RARRES1: variants seen among roughly 807,000 people sequenced by gnomAD.
RARRES1 encodes retinoic acid receptor responder 1, also known as retinoic acid receptor responder protein 1.
In RARRES1, 34 loss-of-function variants were observed where a neutral mutation model predicts 30.6. The ratio of observed to expected loss-of-function variants is 1.11; its 90% confidence interval spans 0.84 to 1.48. The LOEUF (loss-of-function observed/expected upper bound fraction) is 1.48. Among genes scored for constraint, RARRES1 ranks in the 40% most tolerant of loss-of-function variants. RARRES1 has a pLI of 0.00. For synonymous variants in RARRES1, 153 were observed against 155.5 expected, an observed-to-expected ratio of 0.98 and a Z score of 0.12; for missense variants, 373 against 386.5, an observed-to-expected ratio of 0.97 and a Z score of 0.29.
intron 4 of RARRES1, among the ~76,000 whole-genome samples, chr3:158,700,809 T>A (rs1435668238): frequency 6.6e-6 from 1 of 152,232 alleles, no homozygotes; most frequent in Non-Finnish European, 1.5e-5. Flanking sequence ...TCCTGGTAAC[T>A]CAGCACTTAA....
intron 4 of RARRES1, among the ~76,000 whole-genome samples, chr3:158,702,257 C>T (rs1184746898): frequency 6.6e-6 from 1 of 152,180 alleles, no homozygotes; most frequent in Non-Finnish European, 1.5e-5. Context: ...CCAGTATGGT[C>T]TCCATCTCCT....
At position 158,716,018 on chromosome 3, in the gene RARRES1, C is replaced by T. The variant is rs1727311696; in HGVS notation, c.277-2159G>A. Among the ~76,000 whole-genome samples, 2 of 152,230 alleles carry T rather than the reference C, an allele frequency of 1.3e-5. 1 individual carries two copies. The highest frequency in any genetic ancestry group is 1.3e-4 in the Admixed American group (2 of 15,292). On this transcript the variant is annotated intron_variant, in intron 1 of 5. Coordinates refer to ENST00000237696, the MANE Select transcript of RARRES1 (RefSeq NM_206963.2). The stretch of plus-strand genomic sequence containing the variant: ...CTTGAATGGGTCGCTGCACCCCGCA[C>T]CTGCTATGTGCACCGCAGCACCTGG...
chr3:158,715,067 C>T (rs1422360907), intron 1 of RARRES1, among the ~76,000 whole-genome samples: 1 of 152,206 alleles, frequency 6.6e-6, no homozygotes, highest in Non-Finnish European at 1.5e-5. Flanking sequence ...GAGCACTGCA[C>T]ACAGAGCAGT....
Position 158,697,130 on chromosome 3 carries a change from A to T in RARRES1, c.*548T>A, listed in dbSNP as rs1192514615. On this transcript the variant is annotated 3_prime_UTR_variant, in exon 6 of 6. Transcript: ENST00000237696. ...TCATTATTTAGAAATGTAAACATTT[A>T]TTTAAAAGTAGGTAGCAAGTTAAAA... The T allele has an allele frequency of 3.3e-5, 5 of 152,374 alleles. No individual in the cohort carries two copies. In the South Asian group the frequency reaches 1.0e-3, roughly 32 times the overall value. 9.4% of individuals were successfully genotyped at this position (152,374 alleles called of 1,614,324 possible).
intron 1 of RARRES1, among the ~76,000 whole-genome samples, chr3:158,725,172 A>C (rs945254420): frequency 1.3e-5 from 2 of 152,168 alleles, no homozygotes; most frequent in African/African-American, 4.8e-5. Flanking sequence ...CATCCTGAAC[A>C]ACCATAGCAA....
chr3:158,704,963 C>A (rs780939985), intron 3 of RARRES1, 36 bp from the exon 4 acceptor site: 2 of 1,583,560 alleles, frequency 1.3e-6, no homozygotes, highest in East Asian at 4.5e-5. Flanking sequence ...TGTATTAATG[C>A]ATTTTTGAGA....
chr3:158,725,377 G>T (rs1028335112), intron 1 of RARRES1, among the ~76,000 whole-genome samples: 2 of 152,204 alleles, frequency 1.3e-5, no homozygotes, highest in South Asian at 4.1e-4. Flanking sequence ...GGGCGAGTGT[G>T]TGTGTATGTA....
At position 158,713,846 on chromosome 3, in the gene RARRES1, T is replaced by A; in HGVS notation, c.290A>T (p.Glu97Val). ...GAAGACCACGTGAACTTTACATCCC[T>A]CTTTTGGATTAATCTGGAACACAGA... ...QEGRAWINPK[E>V]GCKVHVVFST... Residue 97 changes from glutamate (E) to valine (V), a missense_variant, in exon 2 of 6, where the codon GAG becomes GTG. Physicochemically the swap from Glu to Val is moderately radical, Grantham distance 121 (BLOSUM62 -2). Transcript: ENST00000237696. 1.9e-6 allele frequency: 3 copies of A among 1,613,944 alleles called. No individual in the cohort carries two copies. Among genetic ancestry groups the A allele is most frequent in the Admixed American group, 1.7e-5 (1 of 60,030 alleles).
At chr3:158,728,529 T>G (rs77631765) in intron 1 of RARRES1, among the ~76,000 whole-genome samples, 1 of 147,638 alleles carries the variant, frequency 6.8e-6, no homozygotes, top group Non-Finnish European at 1.5e-5. Context: ...TTTTTTTTTT[T>G]TTTTTGGTTT....
At chr3:158,718,734 G>A (rs944168889) in intron 1 of RARRES1, among the ~76,000 whole-genome samples, 4 of 152,186 alleles carry the variant, frequency 2.6e-5, no homozygotes, top group Non-Finnish European at 5.9e-5. Flanking sequence ...GGGAGGTGGG[G>A]CTTTAGAGGC....
At chr3:158,701,326 T>C (rs552714207) in intron 4 of RARRES1, among the ~76,000 whole-genome samples, 19 of 152,116 alleles carry the variant, frequency 1.2e-4, no homozygotes, top group Non-Finnish European at 2.6e-4. Flanking sequence ...GCCAGTAAGA[T>C]GTGTCTTACT....
chr3:158,698,677 C>CTT (rs11448918), intron 4 of RARRES1, among the ~76,000 whole-genome samples: 22,309 of 147,424 alleles, frequency 0.15, 1,799 homozygotes, highest in African/African-American at 0.21. Context: ...CTGACATTTC[C>CTT]TTTTTTTTTT....
At chr3:158,728,416 T>C (rs770161791) in intron 1 of RARRES1, among the ~76,000 whole-genome samples, 5 of 151,990 alleles carry the variant, frequency 3.3e-5, no homozygotes, top group African/African-American at 7.3e-5. Flanking sequence ...GGATGGATGA[T>C]AGACATTGTG....
At position 158,697,203 on chromosome 3, in the gene RARRES1, A is replaced by G. The variant is rs966431379; in HGVS notation, c.*475T>C. On this transcript the variant is annotated 3_prime_UTR_variant, in exon 6 of 6. Coordinates refer to ENST00000237696, the MANE Select transcript of RARRES1 (RefSeq NM_206963.2). ...AAAACATAATCAAGTTCTTTTTAAA[A>G]CAGTTAATTTTTTTCCTATAATTTA... The G allele has an allele frequency of 6.6e-6, 1 of 152,316 alleles. No individual in the cohort carries two copies. The highest frequency in any genetic ancestry group is 6.5e-5 in the Admixed American group (1 of 15,286). The allele number at this position is 152,316 out of a possible 1,614,324, so 9.4% of individuals were successfully genotyped here.
chr3:158,732,162 T>C lies in RARRES1; in HGVS notation c.254A>G (p.Glu85Gly), dbSNP rs1727919053. 2.1e-6 allele frequency: 3 copies of C among 1,405,650 alleles called. No individual in the cohort carries two copies. In the East Asian group the frequency reaches 9.1e-5, roughly 43 times the overall value. 87.1% of individuals were successfully genotyped at this position (1,405,650 alleles called of 1,614,324 possible). ...GSPSALRVLAEVQEGRAWINP... is the reference protein window; with the variant it reads ...GSPSALRVLAGVQEGRAWINP... Reference sequence around the variant, plus strand: ...CACCCACGCGCGGCCCTCCTGCACCTCGGCCAGCACTCGTAGCGCGCTGGG... The same window carrying C: ...CACCCACGCGCGGCCCTCCTGCACCCCGGCCAGCACTCGTAGCGCGCTGGG... Residue 85 changes from glutamate (E) to glycine (G), a missense_variant, in exon 1 of 6, where the codon GAG becomes GGG. Transcript: ENST00000237696.
intron 3 of RARRES1, among the ~76,000 whole-genome samples, chr3:158,708,562 A>G (rs1355582831): frequency 1.3e-5 from 2 of 152,256 alleles, no homozygotes; most frequent in Non-Finnish European, 2.9e-5. Context: ...GGAAAAAACA[A>G]TGTGGAGCAA....
rs1289647332 is a variant in RARRES1 at position 158,723,077 on chromosome 3, A to C, written c.276+9063T>G. ...ACTTCCCATTTTTCCCCCTCTCTGC[A>C]GTGTCTGTCATTGGTTGCTAAGCGC... On this transcript the variant is annotated intron_variant, in intron 1 of 5. Coordinates refer to ENST00000237696, the MANE Select transcript of RARRES1 (RefSeq NM_206963.2). The surrounding 1 kb of genome is among the most constrained non-coding windows in gnomAD (Gnocchi z 4.4). 6.6e-6 allele frequency among the ~76,000 whole-genome samples: 1 copy of C among 152,036 alleles called. No individual in the cohort carries two copies. Among genetic ancestry groups the C allele is most frequent in the East Asian group, 1.9e-4 (1 of 5,174 alleles).
chr3:158,712,472 A>G (rs1727168709), intron 2 of RARRES1, among the ~76,000 whole-genome samples: 1 of 152,240 alleles, frequency 6.6e-6, no homozygotes, highest in Non-Finnish European at 1.5e-5. Flanking sequence ...AAAAACTGAG[A>G]AACACTTTCC....
chr3:158,697,525 A>G lies in RARRES1; in HGVS notation c.*153T>C, dbSNP rs1022437941. 1 of 859,848 alleles carries G rather than the reference A, an allele frequency of 1.2e-6. No homozygotes were observed. The highest frequency in any genetic ancestry group is 3.1e-5 in the Admixed American group (1 of 32,656). The allele number at this position is 859,848 out of a possible 1,614,324, so 53.3% of individuals were successfully genotyped here. On this transcript the variant is annotated 3_prime_UTR_variant, in exon 6 of 6. Coordinates refer to ENST00000237696, the MANE Select transcript of RARRES1 (RefSeq NM_206963.2). ...AAAGCTAAAGCAGACTGAGAAACAA[A>G]AAACCAACATCTTTGCATTTCTGAG...
Sources: gnomAD v4.1 joint callset for allele counts (sites outside exome capture counted in the v4.1 genomes callset) on GRCh38, gnomAD v4.1.1 for gene constraint, Gnocchi (gnomAD v3.1) non-coding constraint, MANE v1.5 for transcripts, NCBI Gene and HGNC (gene_info 2026-07-23, HGNC 2026-07-21) for gene names.